SDC2: variants seen among roughly 807,000 people sequenced by gnomAD.
The protein encoded by SDC2 is syndecan 2, also known as syndecan-2.
A neutral mutation model predicts 22.2 loss-of-function variants in SDC2; 13 were observed. The ratio of observed to expected loss-of-function variants is 0.59; its 90% CI spans 0.38 to 0.93. The LOEUF (loss-of-function observed/expected upper bound fraction) is 0.93. Ranked by LOEUF, SDC2 falls within the 40% of genes least tolerant of loss-of-function variation. The pLI is 0.00. For missense variants in SDC2, 235 were observed against 246.8 expected (o/e 0.95, Z 0.32); for synonymous variants, 94 against 92.8 (o/e 1.01, Z -0.07).
chr8:96,545,369 C>T (rs889093394), intron 1 of SDC2, among the ~76,000 whole-genome samples: 4 of 152,112 alleles, frequency 2.6e-5, no homozygotes, highest in African/African-American at 9.7e-5. Flanking sequence ...TTTTCACTTC[C>T]CCTTCCCCCA....
intron 1 of SDC2, among the ~76,000 whole-genome samples, chr8:96,513,507 A>G (rs1813358559): frequency 6.6e-6 from 1 of 152,262 alleles, no homozygotes; most frequent in South Asian, 2.1e-4. Flanking sequence ...TAAACTATTT[A>G]CAGATGTGTT....
At chr8:96,545,866 G>C (rs1375102426) in intron 1 of SDC2, among the ~76,000 whole-genome samples, 1 of 152,160 alleles carries the variant, frequency 6.6e-6, no homozygotes, top group Non-Finnish European at 1.5e-5. Context: ...ACTGCATTTT[G>C]GCAGTCCTTA....
At chr8:96,609,045 T>C (rs941040960) in intron 4 of SDC2, among the ~76,000 whole-genome samples, 5 of 152,142 alleles carry the variant, frequency 3.3e-5, no homozygotes, top group African/African-American at 4.8e-5. Context: ...CTATGTTCTC[T>C]GTTGAAAAAA....
At chr8:96,597,368 G>T (rs1205477105) in intron 2 of SDC2, among the ~76,000 whole-genome samples, 3 of 152,134 alleles carry the variant, frequency 2.0e-5, no homozygotes, top group African/African-American at 7.2e-5. Context: ...GTATTACAAA[G>T]AATAAAACTT....
intron 1 of SDC2, among the ~76,000 whole-genome samples, chr8:96,586,983 C>T (rs1164660281): frequency 1.3e-5 from 2 of 152,100 alleles, no homozygotes; most frequent in Admixed American, 1.3e-4. Flanking sequence ...AGTGCTGTGG[C>T]GCAATCTCGG....
chr8:96,569,179 T>A (rs964701187), intron 1 of SDC2, among the ~76,000 whole-genome samples: 6 of 152,278 alleles, frequency 3.9e-5, no homozygotes, highest in Non-Finnish European at 7.4e-5. Context: ...GGATAATTTT[T>A]AAAATGTTTT....
At chr8:96,517,718 T>C (rs977215188) in intron 1 of SDC2, among the ~76,000 whole-genome samples, 2 of 151,954 alleles carry the variant, frequency 1.3e-5, no homozygotes, top group African/African-American at 4.8e-5. Flanking sequence ...TATATGTACA[T>C]ATTTTTGTAT....
At chr8:96,527,275 A>G (rs1199586707) in intron 1 of SDC2, among the ~76,000 whole-genome samples, 6 of 152,084 alleles carry the variant, frequency 3.9e-5, no homozygotes, top group African/African-American at 1.4e-4. Context: ...TATAGGGGAA[A>G]CACTGCAATA....
intron 1 of SDC2, among the ~76,000 whole-genome samples, chr8:96,589,220 C>A (rs1814736069): frequency 6.6e-6 from 1 of 152,098 alleles, no homozygotes; most frequent in Admixed American, 6.6e-5. Flanking sequence ...GTGTTTATTT[C>A]CTCTTAGGGG....
chr8:96,607,608 G>A (rs544772960), intron 3 of SDC2, among the ~76,000 whole-genome samples: 23 of 152,142 alleles, frequency 1.5e-4, no homozygotes, highest in Non-Finnish European at 2.9e-4. Context: ...TGGCTTGTTG[G>A]GAATAATGCT....
At chr8:96,535,935 G>A (rs2575720) in intron 1 of SDC2, among the ~76,000 whole-genome samples, 6,339 of 152,190 alleles carry the variant, frequency 0.042, 426 homozygotes, top group African/African-American at 0.14. Flanking sequence ...TTTATGAAAC[G>A]TAAAAATGGC....
chr8:96,514,639 G>T lies in SDC2; in HGVS notation c.60+20308G>T, dbSNP rs145727538. Among the ~76,000 whole-genome samples, 1,196 of 152,244 alleles carry T rather than the reference G, an allele frequency of 7.9e-3. 12 individuals carry two copies. Among genetic ancestry groups the T allele is most frequent in the African/African-American group, 0.023 (975 of 41,536 alleles). On this transcript the variant is annotated intron_variant, in intron 1 of 4. Coordinates refer to ENST00000302190, the MANE Select transcript of SDC2 (RefSeq NM_002998.4). ...CTGGCACCAGGGACTGGTTTCATGGGAGACAGTTTTTCCACAGGTGTTAGG... is the reference window on the plus strand; with the variant it reads ...CTGGCACCAGGGACTGGTTTCATGGTAGACAGTTTTTCCACAGGTGTTAGG...
At chr8:96,582,876 T>G (rs1814612402) in intron 1 of SDC2, among the ~76,000 whole-genome samples, 1 of 152,126 alleles carries the variant, frequency 6.6e-6, no homozygotes, top group Non-Finnish European at 1.5e-5. Flanking sequence ...TTCCTCCACT[T>G]GAAATAACCC....
At chr8:96,600,091 T>G (rs960100868) in intron 2 of SDC2, among the ~76,000 whole-genome samples, 5 of 152,116 alleles carry the variant, frequency 3.3e-5, no homozygotes, top group Non-Finnish European at 5.9e-5. Context: ...CCCGCAAGTT[T>G]GAAGCTACAG....
chr8:96,506,692 T>C (rs953853853), intron 1 of SDC2, among the ~76,000 whole-genome samples: 2 of 152,050 alleles, frequency 1.3e-5, no homozygotes. Context: ...GCTGTGGACC[T>C]TATAGTAGGT....
At chr8:96,501,252 T>C (rs933153247) in intron 1 of SDC2, among the ~76,000 whole-genome samples, 17 of 151,274 alleles carry the variant, frequency 1.1e-4, no homozygotes, top group East Asian at 5.8e-4. Context: ...TACGCAATTA[T>C]TAAAGGAAAA....
intron 3 of SDC2, 90 bp downstream of exon 3, chr8:96,602,618 TTTC>T: frequency 1.4e-6 from 2 of 1,426,996 alleles, no homozygotes; most frequent in Non-Finnish European, 1.9e-6. Context: ...TTTGTATTAT[TTTC>T]TTCTTTTTGG....
At chr8:96,599,018 T>C (rs1814930572) in intron 2 of SDC2, among the ~76,000 whole-genome samples, 1 of 147,990 alleles carries the variant, frequency 6.8e-6, no homozygotes, top group Non-Finnish European at 1.5e-5. Context: ...CCCAGCTCAC[T>C]GCAACCTCCT....
At chr8:96,515,573 C>T (rs61083392) in intron 1 of SDC2, among the ~76,000 whole-genome samples, 19,601 of 152,012 alleles carry the variant, frequency 0.13, 2,100 homozygotes, top group African/African-American at 0.29. Flanking sequence ...AACTGGGGTG[C>T]GAAGGGCCAG....
Sources: allele counts gnomAD v4.1 joint callset (sites outside exome capture counted in the v4.1 genomes callset), GRCh38; gene constraint gnomAD v4.1.1; transcripts MANE v1.5; gene names NCBI Gene and HGNC (gene_info 2026-07-23, HGNC 2026-07-21).